Variants in SORD observed in about 807,000 individuals in gnomAD.
SORD encodes (R,R)-butanediol dehydrogenase.
Under a neutral mutation model 35.6 loss-of-function variants are expected in SORD, and 18 were observed. The observed-to-expected ratio is 0.51, with a 90% CI of 0.35 to 0.75. The LOEUF (loss-of-function observed/expected upper bound fraction) is 0.75. SORD is among the 30% of genes least tolerant of loss of function. The probability of loss-of-function intolerance (pLI) is 0.01; values close to 1 mark genes in which losing one functional copy is unlikely to be tolerated. For missense variants in SORD, 250 were observed against 390.2 expected (o/e 0.64, Z 3.03); for synonymous variants, 106 against 152.9 (o/e 0.69, Z 2.26).
intron 1 of SORD, among the ~76,000 whole-genome samples, chr15:45,024,593 T>A (rs997949903): frequency 1.1e-4 from 17 of 152,040 alleles, no homozygotes; most frequent in African/African-American, 4.1e-4. Flanking sequence ...CCACCCAAGG[T>A]CCTGAATTAA....
At chr15:45,040,787 A>C (rs998798623) in intron 2 of SORD, among the ~76,000 whole-genome samples, 1 of 152,234 alleles carries the variant, frequency 6.6e-6, no homozygotes, top group African/African-American at 2.4e-5. Context: ...ATCTACCAGA[A>C]GCTGCTGTTG....
chr15:45,060,424 A>G (rs560561243), intron 3 of SORD, among the ~76,000 whole-genome samples: 4 of 152,242 alleles, frequency 2.6e-5, no homozygotes, highest in South Asian at 2.1e-4. Flanking sequence ...GAGGCATAGA[A>G]TAGAAATATA....
At chr15:45,049,873 A>G (rs968872059) in intron 3 of SORD, among the ~76,000 whole-genome samples, 2 of 152,198 alleles carry the variant, frequency 1.3e-5, no homozygotes, top group Non-Finnish European at 2.9e-5. Context: ...TAATGGACAA[A>G]TGTATGATAA....
chr15:45,052,428 G>A (rs567466375), intron 3 of SORD, among the ~76,000 whole-genome samples: 119 of 152,268 alleles, frequency 7.8e-4, no homozygotes, highest in Non-Finnish European at 1.1e-3. Context: ...CCTAATAGAG[G>A]GATGTAGGAG....
chr15:45,050,348 T>C (rs567404452), intron 3 of SORD, among the ~76,000 whole-genome samples: 2 of 152,356 alleles, frequency 1.3e-5, no homozygotes, highest in African/African-American at 2.4e-5. Flanking sequence ...CCCAAAGTGC[T>C]GGGATTACAC....
chr15:45,023,994 A>T lies in SORD; in HGVS notation c.66+645A>T, dbSNP rs548320581. Among the ~76,000 whole-genome samples, 13 of 151,898 alleles carry T rather than the reference A, an allele frequency of 8.6e-5. No individual in the cohort carries two copies. The South Asian group carries it at 1.9e-3, about 22-fold the overall frequency. ...CTGTAAGGATCCTTCTCTCCCTAAG[A>T]CCCTGTCTGGTTCACTTTCCAGCAG... On this transcript the variant is annotated intron_variant, in intron 1 of 8. Transcript: ENST00000267814.
Position 45,027,705 on chromosome 15 carries a change from T to C in SORD, c.66+4356T>C, listed in dbSNP as rs1892698221. 2.0e-5 allele frequency among the ~76,000 whole-genome samples: 3 copies of C among 152,370 alleles called. No individual in the cohort carries two copies. In the South Asian group the frequency reaches 6.2e-4, roughly 32 times the overall value. On this transcript the variant is annotated intron_variant, in intron 1 of 8. Transcript: ENST00000267814. ...ACTGTATGCCCCTTTGATCAGTCTA[T>C]TGAGACCCAGAAGCTTTTAATTAGG...
intron 1 of SORD, among the ~76,000 whole-genome samples, chr15:45,034,866 C>G (rs1812824515): frequency 6.6e-6 from 1 of 152,234 alleles, no homozygotes; most frequent in Admixed American, 6.5e-5. Context: ...GGGCTTCGCG[C>G]CGCGCTTGCG....
At chr15:45,058,901 C>T (rs999435835) in intron 3 of SORD, among the ~76,000 whole-genome samples, 25 of 152,198 alleles carry the variant, frequency 1.6e-4, no homozygotes, top group African/African-American at 5.3e-4. Context: ...GCACAGAGTG[C>T]AGCTTCTCTT....
intron 3 of SORD, among the ~76,000 whole-genome samples, chr15:45,053,908 C>T (rs1893169954): frequency 1.5e-5 from 2 of 134,972 alleles, no homozygotes; most frequent in Non-Finnish European, 3.1e-5. Flanking sequence ...GGTTTTTTGT[C>T]CTTGCGATAG....
intron 5 of SORD, among the ~76,000 whole-genome samples, chr15:45,066,389 G>C (rs1026611099): frequency 2.6e-5 from 4 of 151,606 alleles, no homozygotes; most frequent in African/African-American, 9.7e-5. Flanking sequence ...TTGGCTCACT[G>C]CAACCTCCAC....
chr15:45,039,694 A>G (rs1269027206), intron 1 of SORD, among the ~76,000 whole-genome samples: 1 of 152,182 alleles, frequency 6.6e-6, no homozygotes, highest in African/African-American at 2.4e-5. Context: ...GCCACATGGG[A>G]AGTTTAGGAA....
intron 4 of SORD, among the ~76,000 whole-genome samples, chr15:45,064,722 T>C (rs1335891359): frequency 1.3e-5 from 2 of 152,236 alleles, no homozygotes; most frequent in Non-Finnish European, 2.9e-5. Flanking sequence ...TAGTCAGGAT[T>C]GTTTGCTAAA....
At chr15:45,034,975 C>A (rs924277006) in intron 1 of SORD, among the ~76,000 whole-genome samples, 2 of 152,172 alleles carry the variant, frequency 1.3e-5, no homozygotes, top group African/African-American at 4.8e-5. Context: ...GCTTAGCACC[C>A]GGGCCAGCGG....
chr15:45,028,938 T>A (rs1052461221), intron 1 of SORD, among the ~76,000 whole-genome samples: 3 of 152,252 alleles, frequency 2.0e-5, no homozygotes, highest in Admixed American at 1.3e-4. Context: ...CTGTGCATCA[T>A]GTCTGTTTCT....
intron 3 of SORD, among the ~76,000 whole-genome samples, chr15:45,053,435 T>C (rs1488237071): frequency 6.6e-6 from 1 of 152,162 alleles, no homozygotes; most frequent in Admixed American, 6.5e-5. Flanking sequence ...AACTTGACGT[T>C]GTGGACATCA....
rs764385659 is a variant in SORD at position 45,069,031 on chromosome 15, C to G, written c.765C>G (p.Ala255=). 1.9e-6 allele frequency: 3 copies of G among 1,611,182 alleles called. No homozygotes were observed. The highest frequency in any genetic ancestry group is 2.7e-5 in the African/African-American group (2 of 74,700). ...EVTIECTGAE[A]SIQAGIYATR... is the part of the protein sequence containing the mutation. The stretch of plus-strand genomic sequence containing the variant: ...CCATCGAGTGCACGGGGGCAGAGGC[C>G]TCCATCCAGGCGGGCATCTACGTGA... The change falls in exon 7 of 9, where the codon GCC becomes GCG. Residue 255 remains alanine, a synonymous_variant. Transcript: ENST00000267814.
At chr15:45,053,377 G>C (rs1028264421) in intron 3 of SORD, among the ~76,000 whole-genome samples, 2 of 152,182 alleles carry the variant, frequency 1.3e-5, no homozygotes, top group East Asian at 1.9e-4. Context: ...TACATTAAGG[G>C]AAGAGTCATA....
intron 4 of SORD, among the ~76,000 whole-genome samples, chr15:45,062,487 C>A (rs1218912305): frequency 6.6e-6 from 1 of 151,940 alleles, no homozygotes; most frequent in African/African-American, 2.4e-5. Flanking sequence ...TGGTTTTCAG[C>A]CAGGATGGGG....
Sources: allele counts gnomAD v4.1 joint callset (sites outside exome capture counted in the v4.1 genomes callset), GRCh38; gene constraint gnomAD v4.1.1; transcripts MANE v1.5; gene names NCBI Gene and HGNC (gene_info 2026-07-23, HGNC 2026-07-21).